CYFIP1: variants seen among roughly 807,000 people sequenced by gnomAD.
The protein encoded by CYFIP1 is cytoplasmic FMR1-interacting protein 1.
In CYFIP1, 58 loss-of-function variants were observed where a neutral mutation model predicts 163.5. The observed-to-expected ratio is 0.35, with a 90% CI of 0.29 to 0.44. The LOEUF is 0.44. CYFIP1 is among the 20% of genes least tolerant of loss of function. The pLI, the probability that CYFIP1 is intolerant of heterozygous loss-of-function variation, is 1.00. For synonymous variants in CYFIP1, 663 were observed against 660.7 expected, an observed-to-expected ratio of 1.00 and a Z score of -0.05; for missense variants, 1,338 against 1,653.8, an observed-to-expected ratio of 0.81 and a Z score of 3.31.
intron 1 of CYFIP1, among the ~76,000 whole-genome samples, chr15:22,969,363 G>A (rs1040545619): frequency 2.0e-5 from 3 of 152,128 alleles, no homozygotes; most frequent in African/African-American, 4.8e-5. Flanking sequence ...GAGGGGGAGC[G>A]ACCAGGAAAA....
Position 22,903,712 on chromosome 15 carries a change from G to A in CYFIP1, c.2582C>T (p.Thr861Ile), listed in dbSNP as rs745907534. The change falls in exon 22 of 31, where the codon ACC becomes ATC. Residue 861 changes from threonine to isoleucine, a missense_variant. Physicochemically the swap from Thr to Ile is moderately conservative, Grantham distance 89. Around this residue, in one of 4 missense-constraint regions of CYFIP1, gnomAD observed 824 missense variants for 995.7 expected, o/e 0.83. Coordinates refer to ENST00000617928, the MANE Select transcript of CYFIP1 (RefSeq NM_014608.6). ...FLPNYCYNGS[T>I]NRFVRTVLPF... ...GTGTGGCGGGCACGCTCACCGGTTG[G>A]TAGAGCCGTTGTAGCAGTAGTTGGG... 2.5e-6 allele frequency: 4 copies of A among 1,613,332 alleles called. No individual in the cohort carries two copies. Among genetic ancestry groups the A allele is most frequent in the Non-Finnish European group, 2.5e-6 (3 of 1,180,038 alleles).
intron 3 of CYFIP1, among the ~76,000 whole-genome samples, chr15:22,945,577 ATTT>A (rs36001319): frequency 1.4e-5 from 2 of 144,176 alleles, no homozygotes; most frequent in East Asian, 2.0e-4. Flanking sequence ...TCATCACAGT[ATTT>A]TTTTTTTTTT....
rs547675028 is a variant in CYFIP1, at chr15:22,944,718, T to G, written c.286-59A>C. ...CTTTGATCCAGCCAGAAGCAGCCGC[T>G]GGGCTTCTAGAGCTAGTGATCCCGC... On this transcript the variant is annotated intron_variant, in intron 4 of 30. Transcript: ENST00000617928. 7.4e-5 allele frequency: 114 copies of G among 1,547,024 alleles called. No homozygotes were observed. The African/African-American group carries it at 1.2e-3, about 16-fold the overall frequency.
intron 10 of CYFIP1, 98 bp downstream of exon 10, chr15:22,933,704 A>G (rs986079104): frequency 3.6e-6 from 3 of 823,542 alleles, no homozygotes; most frequent in Admixed American, 2.4e-5. Flanking sequence ...TGAGAATGTT[A>G]ACAGTGTTAT....
chr15:22,951,818 G>A (rs1345714644), intron 1 of CYFIP1, among the ~76,000 whole-genome samples: 1 of 152,210 alleles, frequency 6.6e-6, no homozygotes, highest in Admixed American at 6.5e-5. Context: ...CCACAGACAG[G>A]CTCGGGGGAG....
At chr15:22,963,276 C>T (rs889018739) in intron 1 of CYFIP1, among the ~76,000 whole-genome samples, 6 of 145,776 alleles carry the variant, frequency 4.1e-5, no homozygotes, top group African/African-American at 1.5e-4. Flanking sequence ...GAGGCAGAGG[C>T]GGGCGATCAC....
chr15:22,946,997 C>T lies in CYFIP1; in HGVS notation c.207+6G>A. On this transcript the variant is annotated splice_donor_region_variant and intron_variant, in intron 3 of 30. Coordinates refer to ENST00000617928, the MANE Select transcript of CYFIP1 (RefSeq NM_014608.6). ...AGAGAGAAACAAAGACACACCGCAA[C>T]ATTACCATGCTAGAGTGGACGGTGG... 6.2e-7 allele frequency: 1 copy of T among 1,612,398 alleles called. No homozygotes were observed. Among genetic ancestry groups the T allele is most frequent in the Non-Finnish European group, 8.5e-7 (1 of 1,178,390 alleles).
At chr15:22,932,426 C>A in intron 10 of CYFIP1, 86 bp from the exon 11 acceptor site, 1 of 789,022 alleles carries the variant, frequency 1.3e-6, no homozygotes, top group Non-Finnish European at 1.9e-6. Flanking sequence ...TGTTTGGCAC[C>A]AGAGCCACAC....
intron 21 of CYFIP1, chr15:22,904,526 A>G (rs143316304): frequency 9.1e-5 from 14 of 154,140 alleles, no homozygotes; most frequent in Non-Finnish European, 1.9e-4. Flanking sequence ...CACCTCAACT[A>G]TACTGCCATA....
chr15:22,870,187 C>T lies in CYFIP1; in HGVS notation c.3603G>A (p.Leu1201=), dbSNP rs115512378. 1.9e-3 allele frequency: 3,090 copies of T among 1,609,202 alleles called. 53 individuals are homozygous for T. In the African/African-American group the frequency reaches 0.031, roughly 16 times the overall value. The change falls in exon 31 of 31, where the codon TTG becomes TTA. Residue 1201 remains leucine (L), a synonymous_variant. Transcript: ENST00000617928. Reference sequence around the variant, plus strand: ...TGCGAATTCTCTCCACCATCTTCTTCAAAGGCTACAACCATCAAAGTGAGG... The same window carrying T: ...TGCGAATTCTCTCCACCATCTTCTTTAAAGGCTACAACCATCAAAGTGAGG... ...GKDEIIKNVP[L]KKMVERIRKF...
chr15:22,924,096 G>C (rs2061282472), intron 13 of CYFIP1, among the ~76,000 whole-genome samples: 1 of 151,974 alleles, frequency 6.6e-6, no homozygotes, highest in African/African-American at 2.4e-5. Flanking sequence ...GCAATAAACA[G>C]AACAAAACAG....
intron 9 of CYFIP1, among the ~76,000 whole-genome samples, chr15:22,934,331 C>A (rs538381841): frequency 6.7e-6 from 1 of 149,598 alleles, no homozygotes; most frequent in Non-Finnish European, 1.5e-5. Flanking sequence ...GGACTACAGG[C>A]GCCCGCCACC....
chr15:22,895,333 T>C (rs1369867177), intron 22 of CYFIP1, among the ~76,000 whole-genome samples: 1 of 152,192 alleles, frequency 6.6e-6, no homozygotes, highest in South Asian at 2.1e-4. Context: ...GTATTTTTTG[T>C]AGAGACAGGG....
At chr15:22,968,959 A>G (rs1011033802) in intron 1 of CYFIP1, among the ~76,000 whole-genome samples, 9 of 152,150 alleles carry the variant, frequency 5.9e-5, no homozygotes, top group African/African-American at 1.9e-4. Flanking sequence ...GGTTCTTCAG[A>G]GCAAGCACAT....
intron 15 of CYFIP1, chr15:22,916,890 G>A: frequency 1.3e-6 from 2 of 1,551,814 alleles, no homozygotes; most frequent in Non-Finnish European, 1.7e-6. Flanking sequence ...ACCACCAAAG[G>A]TTAAAAGGGG....
At chr15:22,957,483 A>G (rs1802960127) in intron 1 of CYFIP1, among the ~76,000 whole-genome samples, 1 of 152,172 alleles carries the variant, frequency 6.6e-6, no homozygotes, top group African/African-American at 2.4e-5. Context: ...AAAAATACAA[A>G]AAATTAGCCA....
rs377675752 is a variant in CYFIP1 at position 22,869,780 on chromosome 15, AAAAC to A, written c.*244_*247del. 9.9e-5 allele frequency: 34 copies of A among 342,978 alleles called. No individual in the cohort carries two copies. Among genetic ancestry groups the A allele is most frequent in the African/African-American group, 6.6e-4 (31 of 47,098 alleles). 21.2% of individuals were successfully genotyped at this position (342,978 alleles called of 1,614,324 possible). A position where few individuals can be genotyped will look rare whatever the true frequency, so the allele number is the denominator to read the frequency against. On this transcript the variant is annotated 3_prime_UTR_variant, in exon 31 of 31. Transcript: ENST00000617928. Reference sequence around the variant, plus strand: ...CACAGCTGCCAGAACATCCCATAGAAAAACAATTTTGTAGGAACGTGATGGCAAC... The same window carrying A: ...CACAGCTGCCAGAACATCCCATAGAAAATTTTGTAGGAACGTGATGGCAAC...
At chr15:22,876,935 ACTATCT>A (rs1266905995) in intron 26 of CYFIP1, among the ~76,000 whole-genome samples, 2 of 152,152 alleles carry the variant, frequency 1.3e-5, no homozygotes, top group African/African-American at 4.8e-5. Context: ...GGTCTCTGAC[ACTATCT>A]CTATCAATTC....
At chr15:22,911,082 C>A (rs2060772646) in intron 18 of CYFIP1, among the ~76,000 whole-genome samples, 1 of 152,006 alleles carries the variant, frequency 6.6e-6, no homozygotes, top group African/African-American at 2.4e-5. Context: ...TGGCACGTGC[C>A]CGTGGTCCTG....
Sources: gnomAD v4.1 joint callset for allele counts (sites outside exome capture counted in the v4.1 genomes callset) on GRCh38, gnomAD v4.1.1 for gene constraint, gnomAD v4.1.1 regional missense constraint, MANE v1.5 for transcripts, NCBI Gene and HGNC (gene_info 2026-07-23, HGNC 2026-07-21) for gene names.